The following SOS1 variants were observed in gnomAD, a reference collection of about 807,000 sequenced individuals.
SOS1 encodes son of sevenless homolog 1.
Under a neutral mutation model 157.6 loss-of-function variants are expected in SOS1, and 25 were observed. The ratio of observed to expected loss-of-function variants is 0.16; its 90% CI spans 0.12 to 0.22. The LOEUF (loss-of-function observed/expected upper bound fraction) is 0.22. Ranked by LOEUF, SOS1 falls within the 10% of genes least tolerant of loss-of-function variation. The pLI is 1.00. For synonymous variants in SOS1, 528 were observed against 534.0 expected (o/e 0.99, Z 0.16); for missense variants, 1,237 against 1,599.1 (o/e 0.77, Z 3.86).
At chr2:39,085,254 C>CTGAG (rs1672332669) in intron 1 of SOS1, among the ~76,000 whole-genome samples, 2 of 152,160 alleles carry the variant, frequency 1.3e-5, no homozygotes, top group African/African-American at 4.8e-5. Context: ...CACTATGTTG[C>CTGAG]TGAGGATGGT....
At chr2:39,102,234 C>CAAAAAAAA (rs1672996213) in intron 1 of SOS1, among the ~76,000 whole-genome samples, 1 of 31,162 alleles carries the variant, frequency 3.2e-5, no homozygotes, top group Non-Finnish European at 1.1e-4. Context: ...AAAAAAAGTG[C>CAAAAAAAA]CACTTTGTCC....
At chr2:39,102,247 G>T (rs1170043109) in intron 1 of SOS1, among the ~76,000 whole-genome samples, 2 of 122,958 alleles carry the variant, frequency 1.6e-5, no homozygotes, top group Admixed American at 2.0e-4. Context: ...CTTTGTCCCG[G>T]TGTGGTAGCT....
intron 9 of SOS1, among the ~76,000 whole-genome samples, chr2:39,023,607 AAACATGTAGC>A (rs1669867800): frequency 6.6e-6 from 1 of 152,156 alleles, no homozygotes; most frequent in African/African-American, 2.4e-5. Context: ...CCAAAGCTAA[AAACATGTAGC>A]ACATATTATA....
Position 39,043,549 on chromosome 2 carries a change from A to G in SOS1, c.864+7595T>C, listed in dbSNP as rs544877111. Reference sequence around the variant, plus strand: ...TTGTCACATGCTGTTTTCTGTTGCTATAACTAAATACCTGAGACTGGGTAA... The same window carrying G: ...TTGTCACATGCTGTTTTCTGTTGCTGTAACTAAATACCTGAGACTGGGTAA... On this transcript the variant is annotated intron_variant, in intron 6 of 22. Transcript: ENST00000402219. Among the ~76,000 whole-genome samples, 6 of 152,304 alleles carry G rather than the reference A, an allele frequency of 3.9e-5. No homozygotes were observed. The South Asian group carries it at 8.3e-4, about 21-fold the overall frequency.
intron 1 of SOS1, among the ~76,000 whole-genome samples, chr2:39,107,945 G>A (rs1385704043): frequency 1.3e-5 from 2 of 152,036 alleles, no homozygotes; most frequent in African/African-American, 2.4e-5. Context: ...GGCCTTCCAC[G>A]CTTGGATATC....
chr2:39,025,702 T>C (rs962646802), intron 8 of SOS1, among the ~76,000 whole-genome samples: 27 of 152,144 alleles, frequency 1.8e-4, no homozygotes, highest in Non-Finnish European at 2.9e-5. Context: ...ATTAGTACAT[T>C]AGTACTTTAA....
Position 38,985,711 on chromosome 2 carries a change from G to A in SOS1, c.*113C>T. ...GTCTTATACTGCATCTTGAAGAAGA[G>A]TCGTTAGTGTTTGGAGTTCTCATTT... On this transcript the variant is annotated 3_prime_UTR_variant, in exon 23 of 23. Coordinates refer to ENST00000402219, the MANE Select transcript of SOS1 (RefSeq NM_005633.4). The A allele has an allele frequency of 8.8e-7, 1 of 1,135,730 alleles. No individual in the cohort carries two copies. Among genetic ancestry groups the A allele is most frequent in the Admixed American group, 1.7e-5 (1 of 59,130 alleles). 70.4% of individuals were successfully genotyped at this position (1,135,730 alleles called of 1,614,324 possible).
intron 1 of SOS1, among the ~76,000 whole-genome samples, chr2:39,105,511 T>A (rs762826765): frequency 1.3e-5 from 2 of 152,156 alleles, no homozygotes; most frequent in Non-Finnish European, 2.9e-5. Flanking sequence ...GAACACCACA[T>A]ATAAGTTTCA....
chr2:39,095,955 G>C (rs1490311262), intron 1 of SOS1, among the ~76,000 whole-genome samples: 1 of 152,142 alleles, frequency 6.6e-6, no homozygotes, highest in Non-Finnish European at 1.5e-5. Flanking sequence ...TTTTACAGTT[G>C]ATACCTGAGA....
At chr2:38,994,757 T>C (rs1668839165) in intron 20 of SOS1, among the ~76,000 whole-genome samples, 1 of 152,208 alleles carries the variant, frequency 6.6e-6, no homozygotes. Context: ...ATAATAATTT[T>C]GGAGCCAGGC....
chr2:39,110,915 ACATGGAGAAACCC>A (rs1673402861), intron 1 of SOS1, among the ~76,000 whole-genome samples: 1 of 152,240 alleles, frequency 6.6e-6, no homozygotes, highest in South Asian at 2.1e-4. Flanking sequence ...AGCCTGGCCA[ACATGGAGAAACCC>A]CATCTCTATT....
intron 3 of SOS1, among the ~76,000 whole-genome samples, chr2:39,057,643 A>C (rs1671257280): frequency 6.6e-6 from 1 of 152,102 alleles, no homozygotes; most frequent in South Asian, 2.1e-4. Flanking sequence ...AATTGAAATG[A>C]TATTCACAAT....
intron 17 of SOS1, among the ~76,000 whole-genome samples, chr2:39,001,433 CTG>C (rs1327932604): frequency 1.3e-5 from 2 of 152,296 alleles, no homozygotes; most frequent in South Asian, 2.1e-4. Context: ...TGGAGAAAAA[CTG>C]TGTTATAGAC....
At chr2:39,058,937 T>C in intron 2 of SOS1, 133 bp from the exon 3 acceptor site, 2 of 693,294 alleles carry the variant, frequency 2.9e-6, no homozygotes, top group Non-Finnish European at 4.9e-6. Context: ...ATTACAAACA[T>C]ATGAAGCTAA....
chr2:39,082,117 CTGT>C (rs1672223025), intron 1 of SOS1, among the ~76,000 whole-genome samples: 1 of 152,152 alleles, frequency 6.6e-6, no homozygotes. Flanking sequence ...ACTAGTCACC[CTGT>C]TGTGCTATCA....
chr2:39,059,214 T>C (rs976937056), intron 2 of SOS1, among the ~76,000 whole-genome samples: 2 of 152,208 alleles, frequency 1.3e-5, no homozygotes, highest in Non-Finnish European at 2.9e-5. Context: ...CATTTTTCAA[T>C]TGAAACCTCT....
rs1013143550 is a variant in SOS1 at position 39,002,894 on chromosome 2, G to A, written c.2791+3518C>T. ...AGCCTGGGCAACCTGGTGAAACCCT[G>A]TATCTACAAAAAATAAAAAAATTAG... On this transcript the variant is annotated intron_variant, in intron 17 of 22. Transcript: ENST00000402219. Among the ~76,000 whole-genome samples, 6 of 151,924 alleles carry A rather than the reference G, an allele frequency of 3.9e-5. No homozygotes were observed. In the East Asian group the frequency reaches 5.8e-4, roughly 15 times the overall value.
intron 1 of SOS1, among the ~76,000 whole-genome samples, chr2:39,116,128 C>T (rs1673641740): frequency 6.6e-6 from 1 of 152,186 alleles, no homozygotes; most frequent in Non-Finnish European, 1.5e-5. Context: ...AGTTCCAAAT[C>T]TGCTTAATCA....
Position 38,985,337 on chromosome 2 carries a change from C to G in SOS1, c.*487G>C, listed in dbSNP as rs775983595. On this transcript the variant is annotated 3_prime_UTR_variant, in exon 23 of 23. Transcript: ENST00000402219. ...AGGTACCACAGCCTTTCCTCACAGT[C>G]CTTTGAGTGATTTTTAAGAAAATAT... The G allele has an allele frequency of 5.3e-6, 1 of 189,982 alleles. No individual in the cohort carries two copies. Among genetic ancestry groups the G allele is most frequent in the Non-Finnish European group, 1.1e-5 (1 of 90,716 alleles). The allele number at this position is 189,982 out of a possible 1,614,324, so 11.8% of individuals were successfully genotyped here.
Sources: gnomAD v4.1 joint callset for allele counts (sites outside exome capture counted in the v4.1 genomes callset) on GRCh38, gnomAD v4.1.1 for gene constraint, MANE v1.5 for transcripts, NCBI Gene and HGNC (gene_info 2026-07-23, HGNC 2026-07-21) for gene names.